CRYBG2: variants seen among roughly 807,000 people sequenced by gnomAD.
CRYBG2 encodes the protein beta/gamma crystallin domain-containing protein 2.
CRYBG2 carries 106 observed loss-of-function variants against 153.4 expected under a neutral mutation model. The ratio of observed to expected loss-of-function variants is 0.69; its 90% confidence interval spans 0.59 to 0.81. The LOEUF (loss-of-function observed/expected upper bound fraction) is 0.81, where lower values mean the gene tolerates loss of function less well. Ranked by LOEUF, CRYBG2 falls within the 30% of genes least tolerant of loss-of-function variation. The probability of loss-of-function intolerance (pLI) is 0.00; values close to 1 mark genes in which losing one functional copy is unlikely to be tolerated. For missense variants in CRYBG2, 1,996 were observed against 2,112.0 expected (o/e 0.95, Z 1.08); for synonymous variants, 851 against 877.8 (o/e 0.97, Z 0.54).
At chr1:26,326,181 C>G (rs1033621701) in intron 17 of CRYBG2, among the ~76,000 whole-genome samples, 5 of 151,974 alleles carry the variant, frequency 3.3e-5, no homozygotes, top group Non-Finnish European at 5.9e-5. Flanking sequence ...AGTGAGCCAC[C>G]GCACCCAGCC....
chr1:26,351,157 A>C (rs1269924153), intron 1 of CRYBG2, among the ~76,000 whole-genome samples: 1 of 152,068 alleles, frequency 6.6e-6, no homozygotes, highest in East Asian at 1.9e-4. Context: ...GCCAGACACC[A>C]AAGGCTCTGG....
rs751172382 is a variant in CRYBG2, at chr1:26,337,346, GC to G, written c.3677del (p.Gly1226AlafsTer24). ...CCCCCTCCTCCAGCAGATACTGGTG[GC>G]CCCGGAAGCCCTCCTTCTCGTAGCC... ...WVGYEKEGFR[G>X]HQYLLEEGEY... On this transcript the variant is annotated frameshift_variant, in exon 10 of 20. Coordinates refer to ENST00000308182, the MANE Select transcript of CRYBG2 (RefSeq NM_001039775.4). LOFTEE classifies it high-confidence loss of function. The G allele has an allele frequency of 1.2e-6, 2 of 1,613,808 alleles. No individual in the cohort carries two copies. The highest frequency in any genetic ancestry group is 2.2e-5 in the East Asian group (1 of 44,884).
At chr1:26,350,841 A>G (rs973677384) in intron 1 of CRYBG2, among the ~76,000 whole-genome samples, 6 of 151,614 alleles carry the variant, frequency 4.0e-5, no homozygotes, top group African/African-American at 1.5e-4. Flanking sequence ...TCCCCAAGAG[A>G]CCTGACTCTG....
At chr1:26,338,073 C>T (rs376620431) in intron 7 of CRYBG2, 26 bp from the exon 8 acceptor site, 94 of 1,611,228 alleles carry the variant, frequency 5.8e-5, no homozygotes, top group Non-Finnish European at 7.5e-5. Context: ...AGCTGAGACA[C>T]CAGCCCAGAG....
intron 7 of CRYBG2, 42 bp downstream of exon 7, chr1:26,338,309 G>A: frequency 6.5e-7 from 1 of 1,545,042 alleles, no homozygotes; most frequent in East Asian, 2.3e-5. Context: ...ACCAGGGGCA[G>A]AGCCTAGACC....
At position 26,328,237 on chromosome 1, in the gene CRYBG2, C is replaced by T; in HGVS notation, c.4550G>A (p.Arg1517Lys). 6.4e-7 allele frequency: 1 copy of T among 1,564,798 alleles called. No homozygotes were observed. The highest frequency in any genetic ancestry group is 1.2e-5 in the South Asian group (1 of 85,054). ...TNWLTYSGTQ[R>K]VGSLYPIKQR... The stretch of plus-strand genomic sequence containing the variant: ...CTTGATGGGGTAGAGGGAGCCCACC[C>T]TCTGGGTGCCGCTGTAGGTCAGCCA... The change falls in exon 17 of 20, where the codon AGG (arginine) becomes AAG (lysine). Residue 1517 changes from arginine to lysine, a missense_variant. Transcript: ENST00000308182.
intron 17 of CRYBG2, 47 bp downstream of exon 17, chr1:26,328,162 A>T: frequency 1.3e-6 from 2 of 1,544,670 alleles, no homozygotes; most frequent in Non-Finnish European, 1.7e-6. Flanking sequence ...AGGCCTGCCC[A>T]GACACGCTCA....
In CRYBG2 at chr1:26,343,999, G is replaced by T; in HGVS notation, c.2659C>A (p.His887Asn). ...KKHVAGTKGPHSELGLELQGG... is the reference protein window; with the variant it reads ...KKHVAGTKGPNSELGLELQGG... The stretch of plus-strand genomic sequence containing the variant: ...TGCAGTTCCAATCCCAGCTCTGAGT[G>T]GGGGCCCTTGGTTCCTGCTACATGC... Residue 887 changes from histidine to asparagine, a missense_variant, in exon 2 of 20, where the codon CAC becomes AAC. His to Asn is a moderately conservative substitution (Grantham distance 68, BLOSUM62 1). Transcript: ENST00000308182. The surrounding 1 kb of genome is among the most constrained non-coding windows in gnomAD (Gnocchi z 4.1). 2 of 1,536,364 alleles carry T rather than the reference G, an allele frequency of 1.3e-6. No individual in the cohort carries two copies. The highest frequency in any genetic ancestry group is 1.7e-6 in the Non-Finnish European group (2 of 1,146,904).
At position 26,345,847 on chromosome 1, in the gene CRYBG2, C is replaced by A. The variant is rs769423020; in HGVS notation, c.811G>T (p.Gly271Trp). ...PRSTGLGSTV[G>W]AALRQLPETG... Reference sequence around the variant, plus strand: ...TCAGGCAGCTGCCTCAAGGCTGCCCCCACTGTGCTGCCCAGACCTGTGCTC... The same window carrying A: ...TCAGGCAGCTGCCTCAAGGCTGCCCACACTGTGCTGCCCAGACCTGTGCTC... The change falls in exon 2 of 20, where the codon GGG becomes TGG. Residue 271 changes from glycine (G) to tryptophan (W), a missense_variant. By Grantham distance (184) the Gly-to-Trp change is radical. Transcript: ENST00000308182. 6.3e-7 allele frequency: 1 copy of A among 1,596,732 alleles called. No individual in the cohort carries two copies.
chr1:26,343,164 G>A lies in CRYBG2; in HGVS notation c.2962-5C>T, dbSNP rs2074154159. 1 of 1,550,498 alleles carries A rather than the reference G, an allele frequency of 6.4e-7. No homozygotes were observed. The highest frequency in any genetic ancestry group is 2.0e-5 in the Admixed American group (1 of 50,966). On this transcript the variant is annotated splice_polypyrimidine_tract_variant and splice_region_variant and intron_variant, in intron 3 of 19. Transcript: ENST00000308182. This position sits in a 1 kb window ranked among gnomAD's most constrained non-coding sequence, Gnocchi z 4.1. ...AGACTCTGAGAAGAAGATCACCTGA[G>A]AAGGCACAGAAGGGGTCCTCAGGCC...
chr1:26,349,547 C>A (rs2074264814), intron 1 of CRYBG2, among the ~76,000 whole-genome samples: 1 of 152,070 alleles, frequency 6.6e-6, no homozygotes, highest in African/African-American at 2.4e-5. Context: ...CTCTGGGTCT[C>A]CATAGCCTCC....
Position 26,325,909 on chromosome 1 carries a change from A to AT in CRYBG2, c.4579-1600dup, listed in dbSNP as rs373671219. ...ACTTTCAGTCCTATGTGGCTAAACT[A>AT]TTTTTTTTTTGAGACAGGGTCTCGC... is the stretch of plus-strand genomic sequence containing the variant. On this transcript the variant is annotated intron_variant, in intron 17 of 19. Coordinates refer to ENST00000308182, the MANE Select transcript of CRYBG2 (RefSeq NM_001039775.4). This position sits in a 1 kb window ranked among gnomAD's most constrained non-coding sequence, Gnocchi z 4.1. Among the ~76,000 whole-genome samples the AT allele has an allele frequency of 7.2e-4, 108 of 149,754 alleles. 1 individual carries two copies. Among genetic ancestry groups the AT allele is most frequent in the East Asian group, 3.7e-3 (19 of 5,118 alleles).
chr1:26,352,479 G>A (rs1391088502), intron 1 of CRYBG2, among the ~76,000 whole-genome samples: 1 of 152,014 alleles, frequency 6.6e-6, no homozygotes, highest in African/African-American at 2.4e-5. Context: ...ACCCCTGAAC[G>A]TGGACACACA....
At chr1:26,333,044 A>AAAAAAAAAAAAAAAAAAC (rs1557707001) in intron 14 of CRYBG2, among the ~76,000 whole-genome samples, 1 of 138,166 alleles carries the variant, frequency 7.2e-6, no homozygotes, top group Non-Finnish European at 1.5e-5. Flanking sequence ...AAAAAAAAAA[A>AAAAAAAAAAAAAAAAAAC]AAGATTTCTA....
rs1392861031 is a variant in CRYBG2 at position 26,336,442 on chromosome 1, A to C, written c.4039-72T>G. ...AGCCTTGTCTTCTCTAGGTTTCAGTACCGTCCACCCCGCGGCCGCGCCCTC... is the reference window on the plus strand; with the variant it reads ...AGCCTTGTCTTCTCTAGGTTTCAGTCCCGTCCACCCCGCGGCCGCGCCCTC... On this transcript the variant is annotated intron_variant, in intron 12 of 19. Coordinates refer to ENST00000308182, the MANE Select transcript of CRYBG2 (RefSeq NM_001039775.4). This position sits in a 1 kb window ranked among gnomAD's most constrained non-coding sequence, Gnocchi z 4.9. 18 of 1,582,964 alleles carry C rather than the reference A, an allele frequency of 1.1e-5. No homozygotes were observed. The highest frequency in any genetic ancestry group is 1.5e-5 in the Non-Finnish European group (18 of 1,164,814).
chr1:26,324,184 A>G lies in CRYBG2; in HGVS notation c.4705T>C (p.Trp1569Arg). Reference protein sequence around the residue: ...ADPQAGGSCIWYYEDGLLKNQ... With the variant: ...ADPQAGGSCIRYYEDGLLKNQ... The stretch of plus-strand genomic sequence containing the variant: ...TTCAGCAGCCCATCCTCGTAGTACC[A>G]GATGCAGCTACCTCCAGCTTGGGGG... Residue 1569 changes from tryptophan (W) to arginine (R), a missense_variant, in exon 18 of 20, where the codon TGG (tryptophan) becomes CGG (arginine). Trp to Arg is a moderately radical substitution (Grantham distance 101). Coordinates refer to ENST00000308182, the MANE Select transcript of CRYBG2 (RefSeq NM_001039775.4). The G allele has an allele frequency of 6.2e-7, 1 of 1,613,712 alleles. No individual in the cohort carries two copies. Among genetic ancestry groups the G allele is most frequent in the South Asian group, 1.1e-5 (1 of 91,082 alleles).
intron 1 of CRYBG2, among the ~76,000 whole-genome samples, chr1:26,349,659 A>T (rs1264060106): frequency 1.3e-5 from 2 of 152,098 alleles, no homozygotes; most frequent in African/African-American, 2.4e-5. Context: ...GTTGAAACTT[A>T]ATCCCCAATG....
chr1:26,329,942 G>T (rs1362313006), intron 15 of CRYBG2, among the ~76,000 whole-genome samples: 1 of 151,958 alleles, frequency 6.6e-6, no homozygotes, highest in African/African-American at 2.4e-5. Flanking sequence ...TCATCATGTT[G>T]GCCAGGCTAG....
Position 26,339,393 on chromosome 1 carries a change from C to A in CRYBG2, c.3241G>T (p.Glu1081Ter), listed in dbSNP as rs1418365492. ...TTCACTTGCTCCCCCTTGAGGCCCT[C>A]CTCAGAGAAGAGGCTGATTTCCGGG... Reference protein sequence around the residue: ...STPEISLFSEEGLKGEQVKLT... With the variant: ...STPEISLFSE The change falls in exon 6 of 20, where the codon GAG becomes TAG. Residue 1081 changes from glutamate to a stop codon, truncating the protein, a stop_gained. Coordinates refer to ENST00000308182, the MANE Select transcript of CRYBG2 (RefSeq NM_001039775.4). LOFTEE classifies it high-confidence loss of function. The A allele has an allele frequency of 1.2e-6, 2 of 1,614,214 alleles. No homozygotes were observed. Among genetic ancestry groups the A allele is most frequent in the South Asian group, 2.2e-5 (2 of 91,080 alleles).
Sources: gnomAD v4.1 joint callset for allele counts (sites outside exome capture counted in the v4.1 genomes callset) on GRCh38, gnomAD v4.1.1 for gene constraint, Gnocchi (gnomAD v3.1) non-coding constraint, MANE v1.5 for transcripts, NCBI Gene and HGNC (gene_info 2026-07-23, HGNC 2026-07-21) for gene names.